Variants in ZGPAT observed in about 807,000 individuals in gnomAD.
The protein encoded by ZGPAT is zinc finger CCCH-type with G patch domain-containing protein.
Under a neutral mutation model 47.9 loss-of-function variants are expected in ZGPAT, and 39 were observed. The ratio of observed to expected loss-of-function variants is 0.81; its 90% CI spans 0.63 to 1.06. The LOEUF (loss-of-function observed/expected upper bound fraction) is 1.06. ZGPAT is among the 50% of genes least tolerant of loss of function. ZGPAT has a pLI of 0.00. For synonymous variants in ZGPAT, 348 were observed against 292.9 expected, an observed-to-expected ratio of 1.19 and a Z score of -1.92; for missense variants, 717 against 681.4, an observed-to-expected ratio of 1.05 and a Z score of -0.58.
rs571579842 is a variant in ZGPAT at position 63,722,674 on chromosome 20, C to A, written c.585-10545C>A. ...TTTTTATGGAGTTTCACTCTGTCACCCAGGCTGGAGTGCAATGGTGTGATC... is the reference window on the plus strand; with the variant it reads ...TTTTTATGGAGTTTCACTCTGTCACACAGGCTGGAGTGCAATGGTGTGATC... On this transcript the variant is annotated intron_variant, in intron 2 of 6. Coordinates refer to ENST00000355969, the MANE Select transcript of ZGPAT (RefSeq NM_181485.3). Among the ~76,000 whole-genome samples the A allele has an allele frequency of 2.4e-4, 36 of 152,138 alleles. No individual in the cohort carries two copies. The East Asian group carries it at 6.8e-3, about 29-fold the overall frequency.
chr20:63,735,061 G>C, intron 5 of ZGPAT, 98 bp from the exon 6 acceptor site: 1 of 1,426,882 alleles, frequency 7.0e-7, no homozygotes, highest in Non-Finnish European at 9.2e-7. Flanking sequence ...GTGCTCCTCA[G>C]ATTCCCGGGG....
intron 2 of ZGPAT, among the ~76,000 whole-genome samples, chr20:63,726,587 A>G (rs564557038): frequency 1.5e-4 from 22 of 151,668 alleles, no homozygotes; most frequent in South Asian, 6.2e-4. Context: ...CAATGGTGCA[A>G]TCTCGGCTCA....
intron 2 of ZGPAT, among the ~76,000 whole-genome samples, chr20:63,709,611 C>T (rs1009380074): frequency 2.6e-5 from 4 of 151,968 alleles, no homozygotes; most frequent in African/African-American, 7.3e-5. Flanking sequence ...TACTGCAGCC[C>T]GAGCAGCAGT....
chr20:63,717,108 C>T (rs4809329), intron 2 of ZGPAT, among the ~76,000 whole-genome samples: 113,662 of 152,182 alleles, frequency 0.75, 43,543 homozygotes, highest in African/African-American at 0.9. Flanking sequence ...TGAGCCACCA[C>T]GCATGGCCTG....
chr20:63,735,255 A>C lies in ZGPAT; in HGVS notation c.1088A>C (p.Lys363Thr). 1 of 1,606,120 alleles carries C rather than the reference A, an allele frequency of 6.2e-7. No homozygotes were observed. The highest frequency in any genetic ancestry group is 1.1e-5 in the South Asian group (1 of 90,046). Residue 363 changes from lysine (K) to threonine (T), a missense_variant, in exon 6 of 7, where the codon AAG becomes ACG. By Grantham distance (78) the Lys-to-Thr change is moderately conservative (BLOSUM62 -1). Transcript: ENST00000355969. ...GACCAGTGTGTGGAGACCCTGCAGA[A>C]GCAGACCAGGGTTGGCAAGGCTGGC... ...SLDQCVETLQ[K>T]QTRVGKAGTN...
At chr20:63,715,413 G>T (rs1251977908) in intron 2 of ZGPAT, among the ~76,000 whole-genome samples, 2 of 151,826 alleles carry the variant, frequency 1.3e-5, no homozygotes, top group Non-Finnish European at 2.9e-5. Flanking sequence ...CTAATTTTTT[G>T]TGTTTTTAGT....
chr20:63,710,680 A>G (rs978283279), intron 2 of ZGPAT, among the ~76,000 whole-genome samples: 1 of 152,156 alleles, frequency 6.6e-6, no homozygotes, highest in Non-Finnish European at 1.5e-5. Flanking sequence ...GGTTTTTTCC[A>G]ATTATGAATA....
chr20:63,727,886 C>T (rs1450711220), intron 2 of ZGPAT, among the ~76,000 whole-genome samples: 1 of 151,882 alleles, frequency 6.6e-6, no homozygotes, highest in Non-Finnish European at 1.5e-5. Flanking sequence ...TTGTTGAATA[C>T]TGGACATTTC....
intron 2 of ZGPAT, among the ~76,000 whole-genome samples, chr20:63,729,588 GA>G (rs568961906): frequency 5.4e-4 from 82 of 152,262 alleles, no homozygotes; most frequent in African/African-American, 1.9e-3. Flanking sequence ...CTTTCTGTGT[GA>G]GGGGGGGCTC....
At chr20:63,733,180 C>A (rs1403583265) in intron 2 of ZGPAT, 39 bp from the exon 3 acceptor site, 2 of 1,598,414 alleles carry the variant, frequency 1.3e-6, no homozygotes, top group South Asian at 2.2e-5. Flanking sequence ...CCCCTGGTGG[C>A]CCATGTCTGA....
chr20:63,712,803 G>A (rs2091683683), intron 2 of ZGPAT, among the ~76,000 whole-genome samples: 1 of 152,116 alleles, frequency 6.6e-6, no homozygotes, highest in Admixed American at 6.6e-5. Context: ...GGGTGAGGCA[G>A]GAGAATCGCT....
chr20:63,727,034 G>T (rs572869166), intron 2 of ZGPAT, among the ~76,000 whole-genome samples: 2 of 152,008 alleles, frequency 1.3e-5, no homozygotes, highest in Non-Finnish European at 2.9e-5. Flanking sequence ...TTACATTAGG[G>T]CTAACTCTTG....
At chr20:63,727,839 G>A (rs569201546) in intron 2 of ZGPAT, among the ~76,000 whole-genome samples, 16 of 151,978 alleles carry the variant, frequency 1.1e-4, no homozygotes, top group African/African-American at 3.1e-4. Context: ...CCTAAATATG[G>A]ATCATGGTTT....
At chr20:63,725,782 A>T (rs1409635177) in intron 2 of ZGPAT, among the ~76,000 whole-genome samples, 2 of 135,378 alleles carry the variant, frequency 1.5e-5, no homozygotes, top group Non-Finnish European at 3.2e-5. Context: ...TTTTTTTTCC[A>T]ACCTTTTTTC....
At chr20:63,711,212 T>C (rs996784283) in intron 2 of ZGPAT, among the ~76,000 whole-genome samples, 2 of 152,214 alleles carry the variant, frequency 1.3e-5, no homozygotes, top group Non-Finnish European at 2.9e-5. Context: ...GTATTTTTTG[T>C]AGAGACGGGA....
intron 2 of ZGPAT, among the ~76,000 whole-genome samples, chr20:63,728,181 T>C (rs2091863454): frequency 6.6e-6 from 1 of 151,910 alleles, no homozygotes; most frequent in South Asian, 2.1e-4. Flanking sequence ...GGATTACAGA[T>C]GTGTGCCACC....
chr20:63,732,970 GTGTGCATGTGTATCTGTA>G (rs1292119364), intron 2 of ZGPAT, among the ~76,000 whole-genome samples: 7 of 151,930 alleles, frequency 4.6e-5, no homozygotes, highest in Non-Finnish European at 7.4e-5. Context: ...GTGAGTGTAT[GTGTGCATGTGTATCTGTA>G]TGTGCGTGTG....
At chr20:63,709,524 C>G (rs968998525) in intron 2 of ZGPAT, among the ~76,000 whole-genome samples, 2 of 152,154 alleles carry the variant, frequency 1.3e-5, no homozygotes, top group East Asian at 3.9e-4. Context: ...GTGGTCCTGG[C>G]TACTCAGGAG....
intron 2 of ZGPAT, among the ~76,000 whole-genome samples, chr20:63,710,356 C>T (rs1463457668): frequency 7.0e-6 from 1 of 143,568 alleles, no homozygotes; most frequent in Non-Finnish European, 1.5e-5. Flanking sequence ...GATTCACCAT[C>T]TTGGCCAGGC....
Sources: allele counts gnomAD v4.1 joint callset (sites outside exome capture counted in the v4.1 genomes callset), GRCh38; gene constraint gnomAD v4.1.1; transcripts MANE v1.5; gene names NCBI Gene and HGNC (gene_info 2026-07-23, HGNC 2026-07-21).